Variants in GABRG2 observed in about 807,000 individuals in gnomAD.
GABRG2 encodes gamma-aminobutyric acid receptor subunit gamma-2.
GABRG2 carries 16 observed loss-of-function variants against 56.4 expected under a neutral mutation model. The observed-to-expected ratio is 0.28, with a 90% CI of 0.19 to 0.43. The LOEUF (loss-of-function observed/expected upper bound fraction) is 0.43, where lower values mean the gene tolerates loss of function less well. Among genes scored for constraint, GABRG2 ranks in the 20% least tolerant of loss-of-function variants. The probability of loss-of-function intolerance (pLI) is 1.00; values close to 1 mark genes in which losing one functional copy is unlikely to be tolerated. For missense variants in GABRG2, 327 were observed against 582.7 expected, an observed-to-expected ratio of 0.56 and a Z score of 4.52; for synonymous variants, 208 against 205.5, an observed-to-expected ratio of 1.01 and a Z score of -0.10.
At chr5:162,105,125 A>T (rs1173755146) in intron 6 of GABRG2, among the ~76,000 whole-genome samples, 1 of 152,132 alleles carries the variant, frequency 6.6e-6, no homozygotes, top group Non-Finnish European at 1.5e-5. Flanking sequence ...CATAGGAAAT[A>T]TTTTTTGCGT....
chr5:162,130,212 G>T (rs891189277), intron 6 of GABRG2, among the ~76,000 whole-genome samples: 2 of 151,888 alleles, frequency 1.3e-5, no homozygotes, highest in Non-Finnish European at 2.9e-5. Context: ...ATGGGGGCAG[G>T]GGTGTGATAG....
chr5:162,088,486 C>T (rs2113256120), intron 1 of GABRG2, among the ~76,000 whole-genome samples: 1 of 152,182 alleles, frequency 6.6e-6, no homozygotes, highest in Non-Finnish European at 1.5e-5. Flanking sequence ...TCCTTTTATT[C>T]TTCAGTGTGG....
chr5:162,089,665 T>G (rs540039277), intron 1 of GABRG2, among the ~76,000 whole-genome samples: 2 of 152,238 alleles, frequency 1.3e-5, no homozygotes, highest in Non-Finnish European at 2.9e-5. Context: ...AATAATTAAT[T>G]TTTAAAATCC....
chr5:162,101,206 C>T, intron 4 of GABRG2, 29 bp from the exon 5 acceptor site: 1 of 1,407,994 alleles, frequency 7.1e-7, no homozygotes, highest in African/African-American at 1.4e-5. Context: ...GTCTAAAATC[C>T]ATCTTATGTT....
At chr5:162,151,688 TA>T in intron 8 of GABRG2, 41 bp from the exon 9 acceptor site, 1 of 1,550,790 alleles carries the variant, frequency 6.4e-7, no homozygotes, top group Non-Finnish European at 8.8e-7. Flanking sequence ...TCCTTTTTAT[TA>T]AAAACAAATG....
chr5:162,149,627 T>G (rs1765218712), intron 8 of GABRG2: 1 of 688,184 alleles, frequency 1.5e-6, no homozygotes, highest in South Asian at 1.4e-5. Context: ...TTTCACTGAT[T>G]TTTTGAGATG....
intron 1 of GABRG2, among the ~76,000 whole-genome samples, chr5:162,078,996 T>G (rs1207503852): frequency 1.3e-5 from 2 of 149,982 alleles, no homozygotes; most frequent in Admixed American, 1.3e-4. Flanking sequence ...TTAATTTGTT[T>G]AAATTAAATA....
chr5:162,126,874 C>G (rs1193476807), intron 6 of GABRG2, among the ~76,000 whole-genome samples: 1 of 151,976 alleles, frequency 6.6e-6, no homozygotes, highest in Non-Finnish European at 1.5e-5. Flanking sequence ...CTTATTTATC[C>G]TGTATCTACA....
At chr5:162,070,626 C>T (rs1362065796) in intron 1 of GABRG2, among the ~76,000 whole-genome samples, 1 of 151,704 alleles carries the variant, frequency 6.6e-6, no homozygotes. Flanking sequence ...TATGTCTTTA[C>T]AAAAGTGAAA....
intron 6 of GABRG2, among the ~76,000 whole-genome samples, chr5:162,140,582 G>A (rs561180284): frequency 1.4e-4 from 22 of 152,266 alleles, no homozygotes; most frequent in African/African-American, 4.6e-4. Context: ...GTAGGGAAAC[G>A]TAGGCACAAA....
At chr5:162,068,754 T>C (rs545604402) in intron 1 of GABRG2, among the ~76,000 whole-genome samples, 2 of 152,176 alleles carry the variant, frequency 1.3e-5, no homozygotes, top group African/African-American at 2.4e-5. Flanking sequence ...TCTCTAAATA[T>C]ACTCAGGGCA....
At chr5:162,073,596 T>A (rs748020328) in intron 1 of GABRG2, among the ~76,000 whole-genome samples, 3 of 151,996 alleles carry the variant, frequency 2.0e-5, no homozygotes, top group Non-Finnish European at 4.4e-5. Flanking sequence ...CATATTTGGA[T>A]ATGTATAGTT....
chr5:162,075,052 C>T (rs953312350), intron 1 of GABRG2, among the ~76,000 whole-genome samples: 1 of 152,104 alleles, frequency 6.6e-6, no homozygotes, highest in Non-Finnish European at 1.5e-5. Flanking sequence ...ACAAGTACTC[C>T]TCTGTCATTT....
At chr5:162,150,192 A>G (rs1161823489) in intron 8 of GABRG2, 1 of 152,318 alleles carries the variant, frequency 6.6e-6, no homozygotes, top group Admixed American at 6.5e-5. Flanking sequence ...GTAGTGTATT[A>G]TTTAAAAACA....
At chr5:162,151,782 T>C in intron 9 of GABRG2, 29 bp downstream of exon 9, 1 of 1,584,556 alleles carries the variant, frequency 6.3e-7, no homozygotes, top group Non-Finnish European at 8.7e-7. Flanking sequence ...GGAAATTCAC[T>C]GCATGCAACT....
intron 6 of GABRG2, among the ~76,000 whole-genome samples, chr5:162,128,819 A>G (rs988844424): frequency 6.6e-6 from 1 of 151,968 alleles, no homozygotes; most frequent in African/African-American, 2.4e-5. Context: ...ATCTCTGTGC[A>G]TGTCTTTTAA....
At chr5:162,090,423 T>C (rs1760482344) in intron 1 of GABRG2, among the ~76,000 whole-genome samples, 1 of 152,056 alleles carries the variant, frequency 6.6e-6, no homozygotes, top group African/African-American at 2.4e-5. Context: ...TATTAATATG[T>C]ATATGAATCA....
intron 6 of GABRG2, among the ~76,000 whole-genome samples, chr5:162,121,833 A>C (rs1762998142): frequency 6.6e-6 from 1 of 152,044 alleles, no homozygotes; most frequent in African/African-American, 2.4e-5. Flanking sequence ...TGTTGTGGAC[A>C]GAACAGAAAG....
At chr5:162,151,096 C>G (rs548736432) in intron 8 of GABRG2, 2 of 152,702 alleles carry the variant, frequency 1.3e-5, no homozygotes, top group East Asian at 3.9e-4. Context: ...GAAAAAGCCC[C>G]TTGGCCCTCT....
Sources: allele counts gnomAD v4.1 joint callset (sites outside exome capture counted in the v4.1 genomes callset), GRCh38; gene constraint gnomAD v4.1.1; transcripts MANE v1.5; gene names NCBI Gene and HGNC (gene_info 2026-07-23, HGNC 2026-07-21).